Variants in ASIC5 observed in about 807,000 individuals in gnomAD.
ASIC5 encodes bile acid-sensitive ion channel.
Under a neutral mutation model 51.2 loss-of-function variants are expected in ASIC5, and 52 were observed. That is an observed-to-expected ratio of 1.02 (90% confidence interval 0.81 to 1.28). ASIC5 has a LOEUF of 1.28. Ranked by LOEUF, ASIC5 falls within the 50% of genes most tolerant of loss-of-function variation. The pLI is 0.00. For missense variants in ASIC5, 635 were observed against 595.0 expected, an observed-to-expected ratio of 1.07 and a Z score of -0.70; for synonymous variants, 231 against 200.7, an observed-to-expected ratio of 1.15 and a Z score of -1.28.
At chr4:155,859,379 A>T (rs1387477909) in intron 2 of ASIC5, among the ~76,000 whole-genome samples, 1 of 152,006 alleles carries the variant, frequency 6.6e-6, no homozygotes, top group Non-Finnish European at 1.5e-5. Context: ...TACCAAAAAA[A>T]TTTTGTCATA....
At chr4:155,836,637 G>GAAA in intron 8 of ASIC5, 52 bp downstream of exon 8, 12 of 1,048,698 alleles carry the variant, frequency 1.1e-5, no homozygotes, top group South Asian at 2.1e-5. Context: ...TTTCAATAAA[G>GAAA]AAAAAAAAAT....
intron 4 of ASIC5, among the ~76,000 whole-genome samples, chr4:155,846,274 A>C (rs2111245237): frequency 6.6e-6 from 1 of 152,240 alleles, no homozygotes; most frequent in African/African-American, 2.4e-5. Flanking sequence ...ATTTCAACTT[A>C]TCCCTGCCAA....
intron 8 of ASIC5, among the ~76,000 whole-genome samples, chr4:155,835,582 G>T (rs1322265574): frequency 6.6e-6 from 1 of 152,104 alleles, no homozygotes; most frequent in Admixed American, 6.5e-5. Flanking sequence ...CACAGGAAGT[G>T]CTCTTCTAAG....
At chr4:155,839,267 A>G (rs1741063056) in intron 6 of ASIC5, among the ~76,000 whole-genome samples, 2 of 152,076 alleles carry the variant, frequency 1.3e-5, no homozygotes, top group Admixed American at 1.3e-4. Flanking sequence ...AGCCTCAGAA[A>G]GAGTGGCTTG....
chr4:155,836,469 A>G (rs920014847), intron 8 of ASIC5, among the ~76,000 whole-genome samples: 1 of 152,152 alleles, frequency 6.6e-6, no homozygotes, highest in Non-Finnish European at 1.5e-5. Context: ...CAAGTTACTC[A>G]AGCAAGCATC....
intron 2 of ASIC5, among the ~76,000 whole-genome samples, chr4:155,859,792 A>G (rs1741647546): frequency 6.6e-6 from 1 of 152,078 alleles, no homozygotes; most frequent in East Asian, 1.9e-4. Context: ...ATAGAAAAGT[A>G]TTAACTTGTC....
At position 155,830,043 on chromosome 4, in the gene ASIC5, TCTGCTGTAATAAAAC is replaced by T. The variant is rs1474173552; in HGVS notation, c.1328-12_1330del. ...AAATAGACCCAGCTGACCACCAAGA[TCTGCTGTAATAAAAC>T]CAATAAAGATTGAATGTCATTATTT... On this transcript the variant is annotated splice_acceptor_variant and splice_polypyrimidine_tract_variant and coding_sequence_variant and intron_variant, in exon 10 of 10. Coordinates refer to ENST00000537611, the MANE Select transcript of ASIC5 (RefSeq NM_017419.3). LOFTEE classifies it high-confidence loss of function. 1 of 1,535,758 alleles carries T rather than the reference TCTGCTGTAATAAAAC, an allele frequency of 6.5e-7. No homozygotes were observed. Among genetic ancestry groups the T allele is most frequent in the Non-Finnish European group, 8.7e-7 (1 of 1,144,538 alleles).
In ASIC5 at chr4:155,835,158, G is replaced by C. The variant is rs890444699; in HGVS notation, c.1235+1531C>G. Among the ~76,000 whole-genome samples, 7 of 152,250 alleles carry C rather than the reference G, an allele frequency of 4.6e-5. No homozygotes were observed. The East Asian group carries it at 1.4e-3, about 30-fold the overall frequency. On this transcript the variant is annotated intron_variant, in intron 8 of 9. Transcript: ENST00000537611. ...GATAAGGCAGAGGGTCCATTGAGCT[G>C]ATTAACCCTCCAGCCATCTGTAGAC...
chr4:155,838,969 C>T, intron 6 of ASIC5, 100 bp from the exon 7 acceptor site: 1 of 637,424 alleles, frequency 1.6e-6, no homozygotes. Flanking sequence ...TCCATCCATT[C>T]ATCCACCCAC....
At chr4:155,849,782 G>T (rs904236134) in intron 4 of ASIC5, among the ~76,000 whole-genome samples, 1 of 151,922 alleles carries the variant, frequency 6.6e-6, no homozygotes, top group African/African-American at 2.4e-5. Context: ...TTAAAGTCCG[G>T]CAAACTGAAG....
At chr4:155,855,381 A>G (rs1194195023) in intron 2 of ASIC5, 1 of 152,086 alleles carries the variant, frequency 6.6e-6, no homozygotes, top group Non-Finnish European at 1.5e-5. Context: ...AGCAGAAGTA[A>G]TCTATTTAAC....
chr4:155,866,116 C>A lies in ASIC5; in HGVS notation c.40+71G>T. On this transcript the variant is annotated intron_variant, in intron 1 of 9. Coordinates refer to ENST00000537611, the MANE Select transcript of ASIC5 (RefSeq NM_017419.3). ...AATTTCCCAAATGAAGAAAAAAAAT[C>A]TCTCTTTTCTTACTTCTGGCCTCTA... is the stretch of plus-strand genomic sequence containing the variant. 6 of 939,256 alleles carry A rather than the reference C, an allele frequency of 6.4e-6. No individual in the cohort carries two copies. The Admixed American group carries it at 1.2e-4, about 20-fold the overall frequency. 58.2% of individuals were successfully genotyped at this position (939,256 alleles called of 1,614,324 possible). A position where few individuals can be genotyped will look rare whatever the true frequency, so the allele number is the denominator to read the frequency against.
chr4:155,836,532 A>G (rs907821440), intron 8 of ASIC5, among the ~76,000 whole-genome samples, 157 bp downstream of exon 8: 3 of 152,158 alleles, frequency 2.0e-5, no homozygotes, highest in Non-Finnish European at 4.4e-5. Flanking sequence ...GATCTTATTT[A>G]CTTTTAAAAT....
intron 2 of ASIC5, among the ~76,000 whole-genome samples, chr4:155,855,715 T>C (rs1387390096): frequency 6.7e-6 from 1 of 148,992 alleles, no homozygotes; most frequent in Admixed American, 6.7e-5. Flanking sequence ...TAAATATATA[T>C]CTATATGTGT....
intron 6 of ASIC5, among the ~76,000 whole-genome samples, chr4:155,841,219 G>T (rs1009874886): frequency 1.2e-4 from 18 of 152,172 alleles, no homozygotes; most frequent in African/African-American, 4.3e-4. Context: ...CCGTTGGGCA[G>T]TTACAATATT....
At chr4:155,835,677 G>A (rs1053205324) in intron 8 of ASIC5, among the ~76,000 whole-genome samples, 3 of 152,148 alleles carry the variant, frequency 2.0e-5, no homozygotes, top group Non-Finnish European at 4.4e-5. Flanking sequence ...TGTCTGTGCT[G>A]GAGTCGGAAG....
chr4:155,838,781 A>G, intron 7 of ASIC5, 32 bp downstream of exon 7: 2 of 1,400,630 alleles, frequency 1.4e-6, no homozygotes, highest in Non-Finnish European at 2.0e-6. Context: ...TTTAATATAA[A>G]TCCTGAAAAT....
At chr4:155,860,242 T>G (rs1254082722) in intron 2 of ASIC5, among the ~76,000 whole-genome samples, 1 of 151,884 alleles carries the variant, frequency 6.6e-6, no homozygotes, top group Non-Finnish European at 1.5e-5. Context: ...ATCTCATAAA[T>G]ATAATGATAT....
Position 155,843,910 on chromosome 4 carries a change from T to C in ASIC5, c.712-80A>G, listed in dbSNP as rs960232505. 46 of 1,304,594 alleles carry C rather than the reference T, an allele frequency of 3.5e-5. 1 individual carries two copies. Among genetic ancestry groups the C allele is most frequent in the Non-Finnish European group, 5.0e-5 (46 of 911,744 alleles). 80.8% of individuals were successfully genotyped at this position (1,304,594 alleles called of 1,614,324 possible). On this transcript the variant is annotated intron_variant, in intron 4 of 9. Transcript: ENST00000537611. Reference sequence around the variant, plus strand: ...ACAAGTTTAGGATTTAGTTTTATCATCTCATGATAGCGTTTGACTAATCCT... The same window carrying C: ...ACAAGTTTAGGATTTAGTTTTATCACCTCATGATAGCGTTTGACTAATCCT...
Sources: gnomAD v4.1 joint callset for allele counts (sites outside exome capture counted in the v4.1 genomes callset) on GRCh38, gnomAD v4.1.1 for gene constraint, MANE v1.5 for transcripts, NCBI Gene and HGNC (gene_info 2026-07-23, HGNC 2026-07-21) for gene names.